QKI: variants seen among roughly 807,000 people sequenced by gnomAD.
QKI encodes QKI, KH domain containing RNA binding.
Under a neutral mutation model 39.0 loss-of-function variants are expected in QKI, and 10 were observed. That is an observed-to-expected ratio of 0.26 (90% CI 0.16 to 0.43). QKI has a LOEUF of 0.43. QKI is among the 20% of genes least tolerant of loss of function. The pLI, the probability that QKI is intolerant of heterozygous loss-of-function variation, is 1.00. For missense variants in QKI, 218 were observed against 428.0 expected, an observed-to-expected ratio of 0.51 and a Z score of 4.33; for synonymous variants, 204 against 155.4, an observed-to-expected ratio of 1.31 and a Z score of -2.33.
At chr6:163,521,864 A>G (rs1273697400) in intron 3 of QKI, among the ~76,000 whole-genome samples, 8 of 151,982 alleles carry the variant, frequency 5.3e-5, no homozygotes, top group Admixed American at 5.2e-4. Context: ...TTGCTAATTT[A>G]TTTTTTACTC....
At chr6:163,522,491 A>G (rs1780224159) in intron 3 of QKI, among the ~76,000 whole-genome samples, 1 of 151,922 alleles carries the variant, frequency 6.6e-6, no homozygotes, top group African/African-American at 2.4e-5. Flanking sequence ...GGGGTTATGG[A>G]GTGTGGGGAG....
chr6:163,567,385 G>A (rs1260556203), intron 7 of QKI: 2 of 985,308 alleles, frequency 2.0e-6, no homozygotes, highest in Non-Finnish European at 2.4e-6. Flanking sequence ...ATATAAATTA[G>A]AGCGTCAATT....
At chr6:163,472,199 A>G (rs1228132349) in intron 2 of QKI, among the ~76,000 whole-genome samples, 1 of 152,190 alleles carries the variant, frequency 6.6e-6, no homozygotes, top group East Asian at 1.9e-4. Context: ...ATGTATTAAC[A>G]CTGTATTCTT....
intron 3 of QKI, among the ~76,000 whole-genome samples, chr6:163,523,530 A>C (rs1289337205): frequency 6.6e-6 from 1 of 152,216 alleles, no homozygotes; most frequent in African/African-American, 2.4e-5. Flanking sequence ...ATAAATGCAT[A>C]ATTACAGAAA....
intron 1 of QKI, among the ~76,000 whole-genome samples, chr6:163,428,574 T>C (rs1193732403): frequency 1.3e-5 from 2 of 152,208 alleles, no homozygotes; most frequent in Admixed American, 6.5e-5. Context: ...TATTATAGTT[T>C]ATAGCATTAC....
chr6:163,533,360 G>A (rs1780990519), intron 3 of QKI, among the ~76,000 whole-genome samples: 1 of 152,092 alleles, frequency 6.6e-6, no homozygotes, highest in South Asian at 2.1e-4. Flanking sequence ...GTGTACCCTA[G>A]TCAAAAAGAA....
At chr6:163,475,100 C>T (rs1407951293) in intron 2 of QKI, among the ~76,000 whole-genome samples, 1 of 152,164 alleles carries the variant, frequency 6.6e-6, no homozygotes, top group Non-Finnish European at 1.5e-5. Flanking sequence ...AGCTAAGCCA[C>T]TCTTGAGGAA....
At chr6:163,508,794 G>A (rs1387084656) in intron 3 of QKI, among the ~76,000 whole-genome samples, 1 of 151,822 alleles carries the variant, frequency 6.6e-6, no homozygotes, top group African/African-American at 2.4e-5. Context: ...CTCCCAGAGT[G>A]CTAGGATTAC....
In QKI at chr6:163,575,450, C is replaced by G. The variant is rs888627970; in HGVS notation, c.*4740C>G. The G allele has an allele frequency of 1.3e-5, 2 of 152,114 alleles. No individual in the cohort carries two copies. Among genetic ancestry groups the G allele is most frequent in the Admixed American group, 6.5e-5 (1 of 15,272 alleles). 9.4% of individuals were successfully genotyped at this position (152,114 alleles called of 1,614,324 possible). On this transcript the variant is annotated 3_prime_UTR_variant, in exon 8 of 8. Coordinates refer to ENST00000361752, the MANE Select transcript of QKI (RefSeq NM_006775.3). ...ACCAAATTCCAAGAATAGTAAAATT[C>G]TAGAGTCAGTTGATTGATTGAAACT...
chr6:163,455,511 T>C, intron 2 of QKI, 90 bp downstream of exon 2: 1 of 1,294,424 alleles, frequency 7.7e-7, no homozygotes, highest in Non-Finnish European at 1.1e-6. Context: ...TAAGCATTAT[T>C]AGCCACTTTA....
chr6:163,561,928 TTA>T (rs1446912388), intron 4 of QKI, 52 bp from the exon 5 acceptor site: 6 of 1,347,838 alleles, frequency 4.5e-6, no homozygotes, highest in Non-Finnish European at 5.2e-6. Context: ...GATATAGCTA[TTA>T]TATTTGTGGA....
At chr6:163,536,236 CTT>C (rs1299070005) in intron 4 of QKI, among the ~76,000 whole-genome samples, 2 of 152,012 alleles carry the variant, frequency 1.3e-5, no homozygotes, top group African/African-American at 2.4e-5. Context: ...ACCATGGAAT[CTT>C]TCTCATTTTC....
At chr6:163,521,204 T>A (rs1780136504) in intron 3 of QKI, among the ~76,000 whole-genome samples, 1 of 152,096 alleles carries the variant, frequency 6.6e-6, no homozygotes, top group Non-Finnish European at 1.5e-5. Flanking sequence ...AGAGGTATGC[T>A]CTTCTTAGTA....
rs1790789021 is a variant in QKI, at chr6:163,454,501, A to C, written c.143-778A>C. Among the ~76,000 whole-genome samples the C allele has an allele frequency of 2.0e-5, 3 of 152,154 alleles. No individual in the cohort carries two copies. The South Asian group carries it at 6.2e-4, about 32-fold the overall frequency. ...GCTTAGTGGTCAAATCCAAGGTACCATCTTTTGCTGTTTATCTTACATTCT... is the reference window on the plus strand; with the variant it reads ...GCTTAGTGGTCAAATCCAAGGTACCCTCTTTTGCTGTTTATCTTACATTCT... On this transcript the variant is annotated intron_variant, in intron 1 of 7. Coordinates refer to ENST00000361752, the MANE Select transcript of QKI (RefSeq NM_006775.3).
Position 163,571,441 on chromosome 6 carries a change from T to TA in QKI, c.*738dup, listed in dbSNP as rs1284131138. 1 of 152,076 alleles carries TA rather than the reference T, an allele frequency of 6.6e-6. No homozygotes were observed. Among genetic ancestry groups the TA allele is most frequent in the Non-Finnish European group, 1.5e-5 (1 of 67,982 alleles). The allele number at this position is 152,076 out of a possible 1,614,324, so 9.4% of individuals were successfully genotyped here. A position where few individuals can be genotyped will look rare whatever the true frequency, so the allele number is the denominator to read the frequency against. ...AATTACTGAATCTTTATTTTACACC[T>TA]AAAAAAATATGAGAACAAGGTACAT... On this transcript the variant is annotated 3_prime_UTR_variant, in exon 8 of 8. Coordinates refer to ENST00000361752, the MANE Select transcript of QKI (RefSeq NM_006775.3).
At chr6:163,552,980 A>G (rs1782342653) in intron 4 of QKI, among the ~76,000 whole-genome samples, 1 of 149,618 alleles carries the variant, frequency 6.7e-6, no homozygotes, top group Non-Finnish European at 1.5e-5. Flanking sequence ...TACTTTTCTT[A>G]GTTTTTGCCT....
At position 163,418,648 on chromosome 6, in the gene QKI, A is replaced by C. The variant is rs114780685; in HGVS notation, c.142+3313A>C. On this transcript the variant is annotated intron_variant, in intron 1 of 7. Coordinates refer to ENST00000361752, the MANE Select transcript of QKI (RefSeq NM_006775.3). ...GTTTGAAACCTTTTATTGAAGATAG[A>C]GATGATTATAGGATTACACATAAAA... Among the ~76,000 whole-genome samples, 387 of 152,266 alleles carry C rather than the reference A, an allele frequency of 2.5e-3. 2 individuals carry two copies. The highest frequency in any genetic ancestry group is 8.8e-3 in the African/African-American group (365 of 41,544).
At chr6:163,564,190 G>A in intron 6 of QKI, 1 of 1,019,406 alleles carries the variant, frequency 9.8e-7, no homozygotes, top group Non-Finnish European at 1.2e-6. Context: ...TGTAATATTT[G>A]CGATCACTTA....
intron 1 of QKI, chr6:163,429,052 G>A (rs1342968443): frequency 6.6e-6 from 1 of 152,160 alleles, no homozygotes. Flanking sequence ...AAGAAGCAGT[G>A]GTGAGGGCAC....
Sources: gnomAD v4.1 joint callset for allele counts (sites outside exome capture counted in the v4.1 genomes callset) on GRCh38, gnomAD v4.1.1 for gene constraint, MANE v1.5 for transcripts, NCBI Gene and HGNC (gene_info 2026-07-23, HGNC 2026-07-21) for gene names.